Variants in ITGBL1 observed in about 807,000 individuals in gnomAD.
ITGBL1 encodes the protein integrin subunit beta like 1.
In ITGBL1, 51 loss-of-function variants were observed where a neutral mutation model predicts 68.5. The ratio of observed to expected loss-of-function variants is 0.74; its 90% CI spans 0.59 to 0.94. The LOEUF (loss-of-function observed/expected upper bound fraction) is 0.94. Ranked by LOEUF, ITGBL1 falls within the 40% of genes least tolerant of loss-of-function variation. The pLI is 0.00. For synonymous variants in ITGBL1, 209 were observed against 227.3 expected (o/e 0.92, Z 0.72); for missense variants, 649 against 647.4 (o/e 1.00, Z -0.03).
In ITGBL1 at chr13:101,612,557, C is replaced by G. The variant is rs142836222; in HGVS notation, c.1015+14258C>G. Among the ~76,000 whole-genome samples the G allele has an allele frequency of 7.4e-3, 714 of 96,682 alleles. 5 individuals are homozygous for G. The highest frequency in any genetic ancestry group is 0.024 in the African/African-American group (680 of 28,582). The allele number at this position is 96,682 out of a possible 152,430, so 63.4% of individuals were successfully genotyped here. A position where few individuals can be genotyped will look rare whatever the true frequency, so the allele number is the denominator to read the frequency against. ...GTAAAACTCACCCTCTTGAGTGTAG[C>G]TTAATGTAATTATAAAAAAAAAGGT... On this transcript the variant is annotated intron_variant, in intron 7 of 10. Transcript: ENST00000376180.
intron 2 of ITGBL1, among the ~76,000 whole-genome samples, chr13:101,482,995 T>C (rs1400529969): frequency 6.6e-6 from 1 of 152,192 alleles, no homozygotes; most frequent in Admixed American, 6.5e-5. Context: ...GATGCTTCCA[T>C]AGTCAAGTTT....
Position 101,452,948 on chromosome 13 carries a change from A to G in ITGBL1, c.98+17A>G. 2 of 1,603,766 alleles carry G rather than the reference A, an allele frequency of 1.2e-6. No homozygotes were observed. The highest frequency in any genetic ancestry group is 2.2e-5 in the South Asian group (2 of 90,920). On this transcript the variant is annotated intron_variant, in intron 1 of 10. Transcript: ENST00000376180. ...ATCTCTGAGGTAAGTTTGGTTTGTT[A>G]TTCTTCAGTACAGACCTGCCCTGCT...
At chr13:101,618,103 T>G (rs191749145) in intron 7 of ITGBL1, among the ~76,000 whole-genome samples, 378 of 152,350 alleles carry the variant, frequency 2.5e-3, no homozygotes, top group Non-Finnish European at 4.6e-3. Context: ...ATATGCTGCT[T>G]ATAGATTCTG....
chr13:101,651,987 G>T (rs1249053488), intron 7 of ITGBL1, among the ~76,000 whole-genome samples: 1 of 152,114 alleles, frequency 6.6e-6, no homozygotes, highest in Non-Finnish European at 1.5e-5. Flanking sequence ...TTATAGATGT[G>T]CAGTCTTATT....
intron 7 of ITGBL1, among the ~76,000 whole-genome samples, chr13:101,617,494 A>G (rs893854940): frequency 1.3e-5 from 2 of 152,156 alleles, no homozygotes; most frequent in Admixed American, 6.5e-5. Flanking sequence ...GGATGCTCAT[A>G]TGAGTACAAC....
At chr13:101,467,362 A>G (rs1424555073) in intron 2 of ITGBL1, among the ~76,000 whole-genome samples, 1 of 152,200 alleles carries the variant, frequency 6.6e-6, no homozygotes, top group Non-Finnish European at 1.5e-5. Flanking sequence ...AGAAGGTGGA[A>G]AAGTCTGGTA....
chr13:101,487,595 G>T (rs927121268), intron 2 of ITGBL1, among the ~76,000 whole-genome samples: 1 of 152,162 alleles, frequency 6.6e-6, no homozygotes, highest in South Asian at 2.1e-4. Flanking sequence ...TTCCAAGCTT[G>T]GGTGATCATA....
chr13:101,655,993 T>C (rs1207698493), intron 7 of ITGBL1, among the ~76,000 whole-genome samples: 1 of 152,048 alleles, frequency 6.6e-6, no homozygotes, highest in Non-Finnish European at 1.5e-5. Context: ...GAGACATCAA[T>C]CAAATACATT....
intron 7 of ITGBL1, among the ~76,000 whole-genome samples, chr13:101,604,090 T>C (rs999551592): frequency 6.6e-6 from 1 of 151,898 alleles, no homozygotes; most frequent in Non-Finnish European, 1.5e-5. Flanking sequence ...AAGTTAAAAA[T>C]GTCAAACCAT....
At chr13:101,599,251 T>C (rs1229662063) in intron 7 of ITGBL1, among the ~76,000 whole-genome samples, 3 of 152,048 alleles carry the variant, frequency 2.0e-5, no homozygotes, top group African/African-American at 7.2e-5. Flanking sequence ...GAAGTGTCTG[T>C]TCATATCCTT....
chr13:101,583,345 A>C lies in ITGBL1; in HGVS notation c.857A>C (p.Asp286Ala). Residue 286 changes from aspartate to alanine, a missense_variant, in exon 6 of 11, where the codon GAC becomes GCC. Physicochemically the swap from Asp to Ala is moderately radical, Grantham distance 126. Transcript: ENST00000376180. ...GCTGTCTATGACCGATATTCTGATG[A>C]CTTCTGTTCAGGTAAGGGCTCTTCC... ...CRAVYDRYSD[D>A]FCSGHGQCNC... The C allele has an allele frequency of 6.3e-7, 1 of 1,579,830 alleles. No homozygotes were observed. The highest frequency in any genetic ancestry group is 8.6e-7 in the Non-Finnish European group (1 of 1,163,486).
intron 8 of ITGBL1, among the ~76,000 whole-genome samples, chr13:101,702,860 A>C (rs2034166428): frequency 6.6e-6 from 1 of 152,186 alleles, no homozygotes; most frequent in Admixed American, 6.5e-5. Flanking sequence ...TTTGGTTTTC[A>C]TGGAGAAGTA....
chr13:101,705,147 AT>A (rs996191370), intron 8 of ITGBL1, among the ~76,000 whole-genome samples: 2 of 151,576 alleles, frequency 1.3e-5, no homozygotes, highest in African/African-American at 4.9e-5. Flanking sequence ...CAGGATCCCA[AT>A]TTTCTCCAGG....
At chr13:101,545,397 T>C (rs1413100204) in intron 2 of ITGBL1, among the ~76,000 whole-genome samples, 1 of 152,094 alleles carries the variant, frequency 6.6e-6, no homozygotes, top group Non-Finnish European at 1.5e-5. Flanking sequence ...AATCAAGTGT[T>C]ACACCAATGA....
chr13:101,604,756 C>G (rs576438693), intron 7 of ITGBL1, among the ~76,000 whole-genome samples: 1 of 146,198 alleles, frequency 6.8e-6, no homozygotes, highest in Non-Finnish European at 1.5e-5. Context: ...CCATCAGTTT[C>G]TCAATCCTGA....
intron 2 of ITGBL1, among the ~76,000 whole-genome samples, chr13:101,544,366 C>T (rs902760769): frequency 1.3e-5 from 2 of 152,132 alleles, no homozygotes; most frequent in African/African-American, 4.8e-5. Context: ...TGCAGAACCG[C>T]GGATATTGGT....
At chr13:101,471,885 A>T (rs759527740) in intron 2 of ITGBL1, among the ~76,000 whole-genome samples, 5 of 152,224 alleles carry the variant, frequency 3.3e-5, no homozygotes, top group African/African-American at 1.2e-4. Flanking sequence ...TAATACCATC[A>T]GTAGGATTTA....
intron 4 of ITGBL1, among the ~76,000 whole-genome samples, chr13:101,576,884 A>G (rs1002421116): frequency 1.1e-4 from 17 of 152,106 alleles, no homozygotes; most frequent in African/African-American, 2.9e-4. Context: ...AATTAGATCA[A>G]TTAGACAAAT....
intron 2 of ITGBL1, among the ~76,000 whole-genome samples, chr13:101,514,959 C>A (rs1394135978): frequency 6.6e-6 from 1 of 152,026 alleles, no homozygotes; most frequent in Non-Finnish European, 1.5e-5. Context: ...CAAAGTGCAA[C>A]TAACATAAAG....
Sources: allele counts gnomAD v4.1 joint callset (sites outside exome capture counted in the v4.1 genomes callset), GRCh38; gene constraint gnomAD v4.1.1; transcripts MANE v1.5; gene names NCBI Gene and HGNC (gene_info 2026-07-23, HGNC 2026-07-21).